DLC1: variants seen among roughly 807,000 people sequenced by gnomAD.
DLC1 encodes the protein DLC1 Rho GTPase activating protein, also known as rho GTPase-activating protein 7.
A neutral mutation model predicts 140.3 loss-of-function variants in DLC1; 54 were observed. The observed-to-expected ratio is 0.38, with a 90% CI of 0.31 to 0.48. The LOEUF is 0.48. DLC1 is among the 20% of genes least tolerant of loss of function. The pLI is 0.96. For missense variants in DLC1, 2,536 were observed against 1,907.0 expected (o/e 1.33, Z -6.14); for synonymous variants, 986 against 728.1 (o/e 1.35, Z -5.70).
chr8:13,330,978 T>C (rs1441156370), intron 4 of DLC1, among the ~76,000 whole-genome samples: 1 of 151,812 alleles, frequency 6.6e-6, no homozygotes. Context: ...GGAAAAAAAA[T>C]AAAGCAAAGA....
rs538926494 is a variant in DLC1, at chr8:13,469,099, G to A, written c.1023+29950C>T. Among the ~76,000 whole-genome samples the A allele has an allele frequency of 1.3e-4, 20 of 152,224 alleles. 1 individual carries two copies. The highest frequency in any genetic ancestry group is 2.6e-4 in the Admixed American group (4 of 15,292). ...CTCCCAAAGTGCTGGGATTACAGGC[G>A]TGAGCCACCGCGCCCAGCCTGTGTC... On this transcript the variant is annotated intron_variant, in intron 2 of 17. Transcript: ENST00000276297.
chr8:13,313,513 G>C (rs911976569), intron 4 of DLC1, among the ~76,000 whole-genome samples: 68 of 152,242 alleles, frequency 4.5e-4, no homozygotes, highest in African/African-American at 1.6e-3. Flanking sequence ...ACATCCTGGG[G>C]CTATTTGTGA....
intron 5 of DLC1, among the ~76,000 whole-genome samples, chr8:13,166,612 C>T (rs1430204485): frequency 1.3e-5 from 2 of 152,206 alleles, no homozygotes; most frequent in Non-Finnish European, 2.9e-5. Context: ...GAATTAGAGG[C>T]ATAAGCCGTG....
At chr8:13,365,843 A>G (rs1039898455) in intron 4 of DLC1, among the ~76,000 whole-genome samples, 1 of 152,170 alleles carries the variant, frequency 6.6e-6, no homozygotes, top group African/African-American at 2.4e-5. Flanking sequence ...AAAAATAAAT[A>G]TATACAAGGA....
chr8:13,479,863 A>AGAG lies in DLC1; in HGVS notation c.1023+19185_1023+19186insCTC, dbSNP rs1563383641. On this transcript the variant is annotated intron_variant, in intron 2 of 17. Coordinates refer to ENST00000276297, the MANE Select transcript of DLC1 (RefSeq NM_182643.3). The stretch of plus-strand genomic sequence containing the variant: ...GAAGAAGAAGAAGAAGAAGAAGAGA[A>AGAG]AAAGAAAGAAAGAAAGAAAGAAAGA... Among the ~76,000 whole-genome samples the AGAG allele has an allele frequency of 2.6e-3, 147 of 56,334 alleles. 3 individuals are homozygous for AGAG. The highest frequency in any genetic ancestry group is 9.2e-3 in the African/African-American group (134 of 14,548). The allele number at this position is 56,334 out of a possible 152,430, so 37.0% of individuals were successfully genotyped here.
Position 13,188,822 on chromosome 8 carries a change from TATATGTATATATATATATATA to T in DLC1, c.1349-73186_1349-73166del, listed in dbSNP as rs1563149725. On this transcript the variant is annotated intron_variant, in intron 5 of 17. Coordinates refer to ENST00000276297, the MANE Select transcript of DLC1 (RefSeq NM_182643.3). ...GTGTGTATATATATATATATATATA[TATATGTATATATATATATATA>T]TTTTTTTTTTTTTTTTTTTTTTTTT... Among the ~76,000 whole-genome samples the T allele has an allele frequency of 9.9e-4, 41 of 41,514 alleles. No individual in the cohort carries two copies. The East Asian group carries it at 0.016, about 17-fold the overall frequency. 27.2% of individuals were successfully genotyped at this position (41,514 alleles called of 152,430 possible).
At chr8:13,586,625 A>ACACACACACC (rs71541615) in intron 1 of DLC1, among the ~76,000 whole-genome samples, 2 of 135,896 alleles carry the variant, frequency 1.5e-5, no homozygotes, top group South Asian at 4.5e-4. Flanking sequence ...ACACACACAC[A>ACACACACACC]CCTGCATGTA....
At chr8:13,174,795 C>T (rs1432540748) in intron 5 of DLC1, among the ~76,000 whole-genome samples, 2 of 152,090 alleles carry the variant, frequency 1.3e-5, no homozygotes, top group Admixed American at 6.6e-5. Context: ...GGAATATTTT[C>T]TCCCATTCTG....
At chr8:13,440,968 G>A (rs1022920259) in intron 2 of DLC1, among the ~76,000 whole-genome samples, 4 of 152,056 alleles carry the variant, frequency 2.6e-5, no homozygotes, top group Non-Finnish European at 4.4e-5. Flanking sequence ...ATTTTCATGA[G>A]CACTGCTTTA....
At chr8:13,560,899 A>G (rs1225210101) in intron 1 of DLC1, among the ~76,000 whole-genome samples, 1 of 152,092 alleles carries the variant, frequency 6.6e-6, no homozygotes, top group East Asian at 1.9e-4. Flanking sequence ...CAACCCTCAG[A>G]AGGAACCAAC....
chr8:13,218,666 G>A (rs1828328811), intron 5 of DLC1, among the ~76,000 whole-genome samples: 1 of 150,928 alleles, frequency 6.6e-6, no homozygotes. Context: ...TTCACGCATT[G>A]CTAATGGGAA....
intron 4 of DLC1, among the ~76,000 whole-genome samples, chr8:13,392,459 C>T (rs73205761): frequency 0.11 from 16,491 of 152,156 alleles, 1,090 homozygotes; most frequent in Non-Finnish European, 0.15. Context: ...TTTCATTCTT[C>T]TTGCAATTGC....
chr8:13,160,485 T>G (rs1260338327), intron 5 of DLC1, among the ~76,000 whole-genome samples: 1 of 152,198 alleles, frequency 6.6e-6, no homozygotes, highest in African/African-American at 2.4e-5. Flanking sequence ...GGCTCTGTCC[T>G]CTTGGATGTG....
chr8:13,120,695 G>A lies in DLC1; in HGVS notation c.1349-5038C>T, dbSNP rs924972456. ...TCTAAGCAAACAACAGACAAATGCC[G>A]TAAGGAGGAAACAGGAAATTTTTAT... On this transcript the variant is annotated intron_variant, in intron 5 of 17. Transcript: ENST00000276297. Among the ~76,000 whole-genome samples the A allele has an allele frequency of 7.2e-5, 11 of 152,088 alleles. No individual in the cohort carries two copies. In the East Asian group the frequency reaches 1.3e-3, roughly 19 times the overall value.
chr8:13,190,255 C>T (rs112632830), intron 5 of DLC1, among the ~76,000 whole-genome samples: 45 of 152,210 alleles, frequency 3.0e-4, no homozygotes, highest in African/African-American at 7.9e-4. Flanking sequence ...TTGGTGGCCA[C>T]GAGTGGCTGT....
At position 13,276,310 on chromosome 8, in the gene DLC1, T is replaced by C. The variant is rs1461943078; in HGVS notation, c.1348+28959A>G. ...TTTTTCCAAATGACATCCAGGGCTC[T>C]GGCCGTGGAGTCCCTGATGTGATCG... On this transcript the variant is annotated intron_variant, in intron 5 of 17. Transcript: ENST00000276297. 4 of 1,535,664 alleles carry C rather than the reference T, an allele frequency of 2.6e-6. No homozygotes were observed. In the East Asian group the frequency reaches 9.8e-5, roughly 38 times the overall value.
intron 5 of DLC1, among the ~76,000 whole-genome samples, chr8:13,208,072 C>A (rs981266574): frequency 6.6e-6 from 1 of 152,126 alleles, no homozygotes; most frequent in South Asian, 2.1e-4. Flanking sequence ...ATGTTTAGCT[C>A]TGTGAATTTT....
intron 2 of DLC1, among the ~76,000 whole-genome samples, chr8:13,425,283 C>T (rs1248020315): frequency 6.6e-6 from 1 of 152,112 alleles, no homozygotes; most frequent in Non-Finnish European, 1.5e-5. Flanking sequence ...GAAACGTTGC[C>T]AGGAACACAG....
chr8:13,323,228 A>G, intron 4 of DLC1, among the ~76,000 whole-genome samples: 1 of 152,218 alleles, frequency 6.6e-6, no homozygotes, highest in East Asian at 1.9e-4. Context: ...TGCAGCAAAA[A>G]ATAACAAATG....
Sources: allele counts gnomAD v4.1 joint callset (sites outside exome capture counted in the v4.1 genomes callset), GRCh38; gene constraint gnomAD v4.1.1; transcripts MANE v1.5; gene names NCBI Gene and HGNC (gene_info 2026-07-23, HGNC 2026-07-21).